Variants in FSHR observed in about 807,000 individuals in gnomAD.
FSHR encodes follicle stimulating hormone receptor, also known as follicle-stimulating hormone receptor.
FSHR carries 46 observed loss-of-function variants against 52.1 expected under a neutral mutation model. That is an observed-to-expected ratio of 0.88 (90% CI 0.70 to 1.13). The LOEUF is 1.13. FSHR is among the 50% of genes most tolerant of loss of function. The pLI is 0.00. For synonymous variants in FSHR, 399 were observed against 309.6 expected (o/e 1.29, Z -3.03); for missense variants, 964 against 834.6 (o/e 1.16, Z -1.91).
chr2:48,981,791 C>T (rs571872040), intron 8 of FSHR, among the ~76,000 whole-genome samples: 8 of 152,242 alleles, frequency 5.3e-5, no homozygotes, highest in South Asian at 4.2e-4. Flanking sequence ...TTGGTGTAGA[C>T]AAAAGTGATG....
chr2:49,061,752 ATT>A (rs1669310328), intron 2 of FSHR, among the ~76,000 whole-genome samples: 1 of 121,596 alleles, frequency 8.2e-6, no homozygotes, highest in South Asian at 2.7e-4. Flanking sequence ...ATATATAACT[ATT>A]TATATATAAC....
At chr2:49,125,304 A>C (rs529983171) in intron 1 of FSHR, among the ~76,000 whole-genome samples, 1 of 150,574 alleles carries the variant, frequency 6.6e-6, no homozygotes, top group South Asian at 2.1e-4. Context: ...TAACATTAAC[A>C]ATAGCTGGTG....
intron 6 of FSHR, 90 bp from the exon 7 acceptor site, chr2:48,983,256 A>G: frequency 1.7e-6 from 2 of 1,190,650 alleles, no homozygotes; most frequent in Non-Finnish European, 2.5e-6. Flanking sequence ...AAGGGCAGAC[A>G]GCACAGGTTA....
intron 2 of FSHR, among the ~76,000 whole-genome samples, chr2:49,028,358 C>T (rs1667981252): frequency 6.6e-6 from 1 of 152,198 alleles, no homozygotes; most frequent in South Asian, 2.1e-4. Context: ...TCTTGGTTGA[C>T]ACACATGTGT....
At chr2:48,999,477 A>G (rs1409684519) in intron 4 of FSHR, among the ~76,000 whole-genome samples, 3 of 152,084 alleles carry the variant, frequency 2.0e-5, no homozygotes, top group East Asian at 1.9e-4. Context: ...GAGTTGCCCA[A>G]GAAGAAATGG....
intron 8 of FSHR, among the ~76,000 whole-genome samples, chr2:48,975,984 T>C (rs1282851916): frequency 1.3e-5 from 2 of 152,220 alleles, no homozygotes; most frequent in Admixed American, 6.5e-5. Flanking sequence ...TATTTCTTTC[T>C]CTTGCCTGAT....
chr2:49,042,059 A>T (rs1352695482), intron 2 of FSHR, among the ~76,000 whole-genome samples: 5 of 152,088 alleles, frequency 3.3e-5, no homozygotes. Context: ...TGGGTTGATC[A>T]CCTAAGCCCA....
intron 1 of FSHR, among the ~76,000 whole-genome samples, chr2:49,099,851 C>T (rs141368120): frequency 6.6e-6 from 1 of 152,228 alleles, no homozygotes; most frequent in Non-Finnish European, 1.5e-5. Context: ...GCGTTCTAAC[C>T]TCCAGAACTG....
chr2:49,133,822 G>T (rs1672387276), intron 1 of FSHR, among the ~76,000 whole-genome samples: 1 of 152,188 alleles, frequency 6.6e-6, no homozygotes, highest in African/African-American at 2.4e-5. Flanking sequence ...ATGGGGAAAG[G>T]ATTCCCTATT....
intron 4 of FSHR, among the ~76,000 whole-genome samples, chr2:49,008,063 C>A (rs1667131056): frequency 6.7e-6 from 1 of 150,310 alleles, no homozygotes; most frequent in Non-Finnish European, 1.5e-5. Context: ...TTTTAGGGTA[C>A]ATGTGCACAT....
At chr2:49,153,333 A>G (rs1572636076) in intron 1 of FSHR, among the ~76,000 whole-genome samples, 1 of 152,210 alleles carries the variant, frequency 6.6e-6, no homozygotes, top group East Asian at 1.9e-4. Flanking sequence ...CCTGAGTCCC[A>G]ACTTGCCAGT....
At chr2:49,053,343 CACATAGA>C (rs1312112950) in intron 2 of FSHR, among the ~76,000 whole-genome samples, 1 of 152,070 alleles carries the variant, frequency 6.6e-6, no homozygotes, top group African/African-American at 2.4e-5. Context: ...GTTATAATAA[CACATAGA>C]TGTGTTTTTA....
intron 2 of FSHR, among the ~76,000 whole-genome samples, chr2:49,062,307 A>G (rs1161448281): frequency 6.6e-6 from 1 of 152,178 alleles, no homozygotes; most frequent in Admixed American, 6.6e-5. Context: ...GAGAACGTTC[A>G]TTGGGGAAAG....
At chr2:49,013,464 A>C (rs941037128) in intron 4 of FSHR, among the ~76,000 whole-genome samples, 16 of 97,062 alleles carry the variant, frequency 1.6e-4, no homozygotes, top group Non-Finnish European at 2.9e-4. Context: ...ATATATATAA[A>C]TATATATATA....
intron 1 of FSHR, among the ~76,000 whole-genome samples, chr2:49,125,269 G>A (rs1671957436): frequency 6.6e-6 from 1 of 152,004 alleles, no homozygotes; most frequent in Admixed American, 6.6e-5. Context: ...AAGAGGAATT[G>A]TCTTGGGCCA....
intron 4 of FSHR, among the ~76,000 whole-genome samples, chr2:49,007,131 G>T (rs1038515199): frequency 5.9e-5 from 9 of 152,102 alleles, no homozygotes; most frequent in African/African-American, 2.2e-4. Flanking sequence ...TTTCCACCAT[G>T]CACATGGCTA....
chr2:49,075,437 A>T (rs1669914856), intron 1 of FSHR, among the ~76,000 whole-genome samples: 1 of 147,598 alleles, frequency 6.8e-6, no homozygotes, highest in Non-Finnish European at 1.5e-5. Flanking sequence ...TAAAAATAAC[A>T]ATAAACAAGA....
chr2:49,076,940 G>A (rs113237586), intron 1 of FSHR, among the ~76,000 whole-genome samples: 9,199 of 152,268 alleles, frequency 0.06, 372 homozygotes, highest in Non-Finnish European at 0.092. Context: ...ATCTTGGGCA[G>A]CTCTGCCCCT....
rs762470966 is a variant in FSHR, at chr2:48,963,052, A to G, written c.1769T>C (p.Phe590Ser). 6.2e-7 allele frequency: 1 copy of G among 1,614,098 alleles called. No homozygotes were observed. The highest frequency in any genetic ancestry group is 1.7e-5 in the Admixed American group (1 of 60,002). Residue 590 changes from phenylalanine (F) to serine (S), a missense_variant, in exon 10 of 10, where the codon TTC becomes TCC. By Grantham distance (155) the Phe-to-Ser change is radical. Transcript: ENST00000406846. ...CTTGAGGGAGGCAGAAATGGCAAAG[A>G]AAGAAATGGGTGCCATGCAGAGGAA... ...TDFLCMAPIS[F>S]FAISASLKVP...
Sources: gnomAD v4.1 joint callset for allele counts (sites outside exome capture counted in the v4.1 genomes callset) on GRCh38, gnomAD v4.1.1 for gene constraint, MANE v1.5 for transcripts, NCBI Gene and HGNC (gene_info 2026-07-23, HGNC 2026-07-21) for gene names.